Variants in ELAVL2 observed in about 807,000 individuals in gnomAD.
The protein encoded by ELAVL2 is ELAV like RNA binding protein 2.
A neutral mutation model predicts 34.6 loss-of-function variants in ELAVL2; 4 were observed. The ratio of observed to expected loss-of-function variants is 0.12; its 90% CI spans 0.06 to 0.26. The LOEUF (loss-of-function observed/expected upper bound fraction) is 0.26. ELAVL2 is among the 10% of genes least tolerant of loss of function. The pLI, the probability that ELAVL2 is intolerant of heterozygous loss-of-function variation, is 1.00. For synonymous variants in ELAVL2, 193 were observed against 154.8 expected, an observed-to-expected ratio of 1.25 and a Z score of -1.83; for missense variants, 432 against 442.8, an observed-to-expected ratio of 0.98 and a Z score of 0.22.
chr9:23,750,349 T>A (rs2051621134), intron 2 of ELAVL2, among the ~76,000 whole-genome samples: 1 of 147,382 alleles, frequency 6.8e-6, no homozygotes, highest in Non-Finnish European at 1.5e-5. Flanking sequence ...CAGTAACAAA[T>A]CGGTATTAAC....
rs1034485806 is a variant in ELAVL2 at position 23,815,212 on chromosome 9, T to A, written c.-16+10594A>T. Reference sequence around the variant, plus strand: ...AATTTTGATTTTTCACTGAAAAAAATATGAGAAATTTAAATTAAGAAATTT... The same window carrying A: ...AATTTTGATTTTTCACTGAAAAAAAAATGAGAAATTTAAATTAAGAAATTT... On this transcript the variant is annotated intron_variant, in intron 1 of 6. Coordinates refer to ENST00000397312, the MANE Select transcript of ELAVL2 (RefSeq NM_004432.5). Among the ~76,000 whole-genome samples, 68 of 152,276 alleles carry A rather than the reference T, an allele frequency of 4.5e-4. 1 individual carries two copies. Among genetic ancestry groups the A allele is most frequent in the African/African-American group, 1.4e-3 (58 of 41,566 alleles).
intron 3 of ELAVL2, among the ~76,000 whole-genome samples, chr9:23,720,230 T>C (rs1383904748): frequency 2.6e-5 from 4 of 151,700 alleles, no homozygotes; most frequent in African/African-American, 9.7e-5. Context: ...TAGGGTGCAG[T>C]GGTGTAATCT....
the ELAVL2 span, among the ~76,000 whole-genome samples, chr9:23,833,179 C>T: frequency 6.6e-6 from 1 of 151,352 alleles, no homozygotes; most frequent in Non-Finnish European, 1.5e-5. Context: ...CATTATTTTC[C>T]ATAAAGTTAT....
intron 1 of ELAVL2, among the ~76,000 whole-genome samples, chr9:23,795,805 C>A (rs765348749): frequency 6.6e-6 from 1 of 152,262 alleles, no homozygotes; most frequent in African/African-American, 2.4e-5. Context: ...CAATGTGTCT[C>A]CTCCCTGAAA....
intron 1 of ELAVL2, among the ~76,000 whole-genome samples, chr9:23,770,980 A>C (rs186772878): frequency 1.9e-3 from 285 of 152,330 alleles, no homozygotes; most frequent in Non-Finnish European, 3.1e-3. Flanking sequence ...ATGAGGCCGG[A>C]ACACATAGGG....
Position 23,692,573 on chromosome 9 carries a change from T to C in ELAVL2, c.1064A>G (p.Lys355Arg). The C allele has an allele frequency of 6.2e-7, 1 of 1,612,686 alleles. No individual in the cohort carries two copies. The highest frequency in any genetic ancestry group is 8.5e-7 in the Non-Finnish European group (1 of 1,178,842). Residue 355 changes from lysine (K) to arginine (R), a missense_variant, in exon 7 of 7, where the codon AAA (lysine) becomes AGA (arginine). By Grantham distance (26) the Lys-to-Arg change is conservative. Transcript: ENST00000397312. The part of the protein sequence containing the change: ...RVLQVSFKTN[K>R]THKA ...AAGAGCTCATTAGGCTTTGTGCGTT[T>C]TGTTTGTCTTAAAGGAGACCTGCAG...
intron 1 of ELAVL2, among the ~76,000 whole-genome samples, chr9:23,765,570 A>G (rs867659058): frequency 5.3e-5 from 8 of 152,146 alleles, no homozygotes; most frequent in Non-Finnish European, 8.8e-5. Context: ...AAGAGAAGCT[A>G]TATTTGCCCA....
intron 1 of ELAVL2, among the ~76,000 whole-genome samples, chr9:23,809,572 T>C (rs1261234088): frequency 6.6e-6 from 1 of 152,188 alleles, no homozygotes; most frequent in African/African-American, 2.4e-5. Context: ...TCATTCATGA[T>C]TTACTTACAT....
At chr9:23,772,534 CAAAA>C (rs11450267) in intron 1 of ELAVL2, among the ~76,000 whole-genome samples, 2 of 67,654 alleles carry the variant, frequency 3.0e-5, no homozygotes, top group Non-Finnish European at 6.0e-5. Context: ...CAGCTTACAC[CAAAA>C]AAAAAAAAAA....
At chr9:23,698,690 C>T (rs1317707122) in intron 5 of ELAVL2, among the ~76,000 whole-genome samples, 1 of 151,796 alleles carries the variant, frequency 6.6e-6, no homozygotes, top group African/African-American at 2.4e-5. Flanking sequence ...CAGAAAACAG[C>T]AAAATACCAA....
At chr9:23,716,048 C>T (rs1328291147) in intron 3 of ELAVL2, among the ~76,000 whole-genome samples, 1 of 151,610 alleles carries the variant, frequency 6.6e-6, no homozygotes, top group African/African-American at 2.4e-5. Flanking sequence ...TCTCACATAA[C>T]GGGATACCTT....
At chr9:23,693,574 G>T in intron 5 of ELAVL2, 88 bp from the exon 6 acceptor site, 1 of 1,459,788 alleles carries the variant, frequency 6.9e-7, no homozygotes, top group Non-Finnish European at 9.6e-7. Flanking sequence ...CATCTTCCGA[G>T]GGGATATCTG....
chr9:23,704,327 G>A (rs537672330), intron 4 of ELAVL2, among the ~76,000 whole-genome samples: 23 of 152,128 alleles, frequency 1.5e-4, no homozygotes, highest in African/African-American at 5.3e-4. Context: ...CTAAGATTTG[G>A]CAGAACAACT....
intron 1 of ELAVL2, among the ~76,000 whole-genome samples, chr9:23,805,761 T>G (rs753743764): frequency 6.6e-6 from 1 of 152,208 alleles, no homozygotes; most frequent in Admixed American, 6.5e-5. Context: ...GGGTTCCACA[T>G]GGCTATTAAA....
In ELAVL2 at chr9:23,779,717, C is replaced by A. The variant is rs140487268; in HGVS notation, c.-15-17468G>T. Among the ~76,000 whole-genome samples the A allele has an allele frequency of 1.1e-3, 160 of 151,998 alleles. 2 individuals carry two copies. In the East Asian group the frequency reaches 0.028, roughly 27 times the overall value. On this transcript the variant is annotated intron_variant, in intron 1 of 6. Transcript: ENST00000397312. Reference sequence around the variant, plus strand: ...CCACCATCCAATTCATAAGGATGGTCTCCCAAAATCCCCTGAACTTTCACA... The same window carrying A: ...CCACCATCCAATTCATAAGGATGGTATCCCAAAATCCCCTGAACTTTCACA...
intron 1 of ELAVL2, among the ~76,000 whole-genome samples, chr9:23,766,099 T>C (rs1267086872): frequency 6.6e-6 from 1 of 152,180 alleles, no homozygotes; most frequent in Non-Finnish European, 1.5e-5. Flanking sequence ...TATTGATAAT[T>C]ATAAAAATTT....
At chr9:23,800,202 G>A (rs753084427) in intron 1 of ELAVL2, among the ~76,000 whole-genome samples, 1 of 152,164 alleles carries the variant, frequency 6.6e-6, no homozygotes, top group African/African-American at 2.4e-5. Flanking sequence ...CCATTCTGTA[G>A]GTCAGACATC....
chr9:23,792,016 A>G (rs532845602), intron 1 of ELAVL2, among the ~76,000 whole-genome samples: 1 of 152,332 alleles, frequency 6.6e-6, no homozygotes, highest in East Asian at 1.9e-4. Flanking sequence ...TTGACTTAAC[A>G]GTTTCTAAAC....
At chr9:23,718,105 G>A (rs1357173072) in intron 3 of ELAVL2, among the ~76,000 whole-genome samples, 1 of 152,062 alleles carries the variant, frequency 6.6e-6, no homozygotes, top group Non-Finnish European at 1.5e-5. Flanking sequence ...ATATAATAAA[G>A]CCCTAAGGGG....
Sources: gnomAD v4.1 joint callset for allele counts (sites outside exome capture counted in the v4.1 genomes callset) on GRCh38, gnomAD v4.1.1 for gene constraint, MANE v1.5 for transcripts, NCBI Gene and HGNC (gene_info 2026-07-23, HGNC 2026-07-21) for gene names.